ZNF90: variants seen among roughly 807,000 people sequenced by gnomAD.
The protein encoded by ZNF90 is zinc finger protein HTF9.
A neutral mutation model predicts 12.0 loss-of-function variants in ZNF90; 11 were observed. The ratio of observed to expected loss-of-function variants is 0.92; its 90% CI spans 0.58 to 1.52. The LOEUF is 1.52. Among genes scored for constraint, ZNF90 ranks in the 40% most tolerant of loss-of-function variants. ZNF90 has a pLI of 0.00. For synonymous variants in ZNF90, 232 were observed against 240.1 expected (o/e 0.97, Z 0.31); for missense variants, 765 against 711.5 (o/e 1.08, Z -0.86).
At chr19:20,114,525 A>G (rs572700509) in intron 3 of ZNF90, among the ~76,000 whole-genome samples, 107 of 152,292 alleles carry the variant, frequency 7.0e-4, no homozygotes, top group African/African-American at 2.5e-3. Flanking sequence ...GCATAATGTC[A>G]TCAATATTTA....
chr19:20,086,949 GT>G (rs1555702156), intron 1 of ZNF90: 1 of 152,192 alleles, frequency 6.6e-6, no homozygotes, highest in African/African-American at 2.4e-5. Context: ...TGGTTCTTCA[GT>G]TTGCTATGTT....
chr19:20,113,863 G>A (rs993945851), intron 3 of ZNF90, among the ~76,000 whole-genome samples: 1 of 151,988 alleles, frequency 6.6e-6, no homozygotes, highest in Non-Finnish European at 1.5e-5. Context: ...ATTTCCTTGT[G>A]AATCTATCTT....
At chr19:20,095,067 G>A (rs1267159886) in intron 1 of ZNF90, among the ~76,000 whole-genome samples, 1 of 151,988 alleles carries the variant, frequency 6.6e-6, no homozygotes. Context: ...TGGGGAGGAG[G>A]GGAAAGGTCA....
Position 20,117,967 on chromosome 19 carries a change from C to G in ZNF90, c.413C>G (p.Thr138Arg). Residue 138 changes from threonine to arginine, a missense_variant, in exon 4 of 4, where the codon ACA (threonine) becomes AGA (arginine). Thr to Arg is a moderately conservative substitution (Grantham distance 71). Coordinates refer to ENST00000418063, the MANE Select transcript of ZNF90 (RefSeq NM_007138.2). ...RGYNGLNQCL[T>R]ATQSKVFQCD... ...TATAATGGACTTAACCAATGTTTGACAGCTACCCAGAGCAAAGTATTTCAA... is the reference window on the plus strand; with the variant it reads ...TATAATGGACTTAACCAATGTTTGAGAGCTACCCAGAGCAAAGTATTTCAA... 6.2e-7 allele frequency: 1 copy of G among 1,613,382 alleles called. No individual in the cohort carries two copies. The highest frequency in any genetic ancestry group is 8.5e-7 in the Non-Finnish European group (1 of 1,179,678).
At chr19:20,113,815 G>T (rs574216167) in intron 3 of ZNF90, among the ~76,000 whole-genome samples, 2 of 152,158 alleles carry the variant, frequency 1.3e-5, no homozygotes, top group African/African-American at 4.8e-5. Context: ...GGGACAGAGT[G>T]AGACCTGGTC....
rs782747620 is a variant in ZNF90 at position 20,106,721 on chromosome 19, A to G, written c.226+1405A>G. Among the ~76,000 whole-genome samples the G allele has an allele frequency of 8.2e-4, 125 of 152,264 alleles. 1 individual carries two copies. Among genetic ancestry groups the G allele is most frequent in the South Asian group, 3.7e-3 (18 of 4,826 alleles). On this transcript the variant is annotated intron_variant, in intron 3 of 3. Coordinates refer to ENST00000418063, the MANE Select transcript of ZNF90 (RefSeq NM_007138.2). ...ACCCGCCTTGGCCTCCCAAAGTGCT[A>G]GGATTACAGGCGTGAGCCACTGCGC...
At position 20,111,790 on chromosome 19, in the gene ZNF90, A is replaced by G. The variant is rs1297854343; in HGVS notation, c.227-5991A>G. Among the ~76,000 whole-genome samples, 9 of 152,244 alleles carry G rather than the reference A, an allele frequency of 5.9e-5. No homozygotes were observed. The South Asian group carries it at 1.7e-3, about 28-fold the overall frequency. On this transcript the variant is annotated intron_variant, in intron 3 of 3. Transcript: ENST00000418063. The stretch of plus-strand genomic sequence containing the variant: ...AGAACTTCAATTGAATACAAAAACT[A>G]TGCCTCTATATTTTCAGCTTATAAT...
At chr19:20,115,737 T>C (rs2089131580) in intron 3 of ZNF90, among the ~76,000 whole-genome samples, 1 of 152,142 alleles carries the variant, frequency 6.6e-6, no homozygotes, top group African/African-American at 2.4e-5. Flanking sequence ...TGATAAATTT[T>C]TCAGTTACTT....
chr19:20,091,785 G>A (rs2088904794), intron 1 of ZNF90, among the ~76,000 whole-genome samples: 1 of 152,200 alleles, frequency 6.6e-6, no homozygotes, highest in African/African-American at 2.4e-5. Context: ...TGGTGCTGCA[G>A]AATATGAAAG....
chr19:20,088,120 G>C (rs1433102035), intron 1 of ZNF90, among the ~76,000 whole-genome samples: 1 of 152,068 alleles, frequency 6.6e-6, no homozygotes, highest in Non-Finnish European at 1.5e-5. Flanking sequence ...CTTGGCTTGG[G>C]CTCAGAGGCC....
Position 20,119,429 on chromosome 19 carries a change from T to G in ZNF90, c.*69T>G. 7.1e-7 allele frequency: 1 copy of G among 1,402,430 alleles called. No individual in the cohort carries two copies. The highest frequency in any genetic ancestry group is 1.4e-5 in the South Asian group (1 of 69,564). The allele number at this position is 1,402,430 out of a possible 1,614,324, so 86.9% of individuals were successfully genotyped here. On this transcript the variant is annotated 3_prime_UTR_variant, in exon 4 of 4. Transcript: ENST00000418063. ...AGAGAAACCGTATAAATGTGATGACTGTTGGAAAGCCTTTGACCACCCCTC... is the reference window on the plus strand; with the variant it reads ...AGAGAAACCGTATAAATGTGATGACGGTTGGAAAGCCTTTGACCACCCCTC...
intron 1 of ZNF90, 37 bp downstream of exon 1, chr19:20,078,172 G>A: frequency 6.2e-7 from 1 of 1,613,894 alleles, no homozygotes; most frequent in Non-Finnish European, 8.5e-7. Flanking sequence ...GAGAGGGGAG[G>A]GACTGGTTGG....
intron 3 of ZNF90, among the ~76,000 whole-genome samples, chr19:20,113,563 C>G (rs2089109563): frequency 6.6e-6 from 1 of 151,920 alleles, no homozygotes; most frequent in Admixed American, 6.6e-5. Flanking sequence ...TGTGCGGTGG[C>G]TCACGATTGT....
intron 1 of ZNF90, among the ~76,000 whole-genome samples, chr19:20,098,080 C>T (rs2088962426): frequency 6.6e-6 from 1 of 151,968 alleles, no homozygotes; most frequent in Non-Finnish European, 1.5e-5. Flanking sequence ...AATAAGCTGT[C>T]TACTTATATT....
At chr19:20,110,316 T>C (rs1249147254) in intron 3 of ZNF90, among the ~76,000 whole-genome samples, 1 of 152,176 alleles carries the variant, frequency 6.6e-6, no homozygotes, top group African/African-American at 2.4e-5. Context: ...TCTTGCTCTG[T>C]TGCCCAGGCT....
At chr19:20,097,608 T>C (rs984793703) in intron 1 of ZNF90, among the ~76,000 whole-genome samples, 8 of 152,166 alleles carry the variant, frequency 5.3e-5, no homozygotes, top group Non-Finnish European at 1.0e-4. Flanking sequence ...ACTTTCTTCT[T>C]TCTACTCTGC....
intron 3 of ZNF90, among the ~76,000 whole-genome samples, chr19:20,106,664 T>G (rs147061336): frequency 6.6e-6 from 1 of 152,166 alleles, no homozygotes; most frequent in Non-Finnish European, 1.5e-5. Flanking sequence ...CGTGTTAGCC[T>G]GGATGGTCTC....
Position 20,118,874 on chromosome 19 carries a change from T to G in ZNF90, c.1320T>G (p.Leu440=). 2 of 1,610,638 alleles carry G rather than the reference T, an allele frequency of 1.2e-6. No individual in the cohort carries two copies. Among genetic ancestry groups the G allele is most frequent in the Non-Finnish European group, 1.7e-6 (2 of 1,178,444 alleles). ...AAGTCTTCAAACGCTCCTCAGCCCTTAGCACACATAAGATAATTCATAGTG... is the reference window on the plus strand; with the variant it reads ...AAGTCTTCAAACGCTCCTCAGCCCTGAGCACACATAAGATAATTCATAGTG... ...CDKVFKRSSA[L]STHKIIHSGE... is the part of the protein sequence containing the mutation. The change falls in exon 4 of 4, where the codon CTT becomes CTG. Residue 440 remains leucine, a synonymous_variant. Coordinates refer to ENST00000418063, the MANE Select transcript of ZNF90 (RefSeq NM_007138.2).
chr19:20,080,946 G>A (rs2088815720), intron 1 of ZNF90, among the ~76,000 whole-genome samples: 1 of 152,158 alleles, frequency 6.6e-6, no homozygotes, highest in Admixed American at 6.5e-5. Context: ...CTGGGTGTTT[G>A]GGAATAGGAG....
Sources: gnomAD v4.1 joint callset for allele counts (sites outside exome capture counted in the v4.1 genomes callset) on GRCh38, gnomAD v4.1.1 for gene constraint, MANE v1.5 for transcripts, NCBI Gene and HGNC (gene_info 2026-07-23, HGNC 2026-07-21) for gene names.